Variants in ZPBP observed in about 807,000 individuals in gnomAD.
ZPBP encodes zona pellucida binding protein.
A neutral mutation model predicts 44.8 loss-of-function variants in ZPBP; 26 were observed. The observed-to-expected ratio is 0.58, with a 90% confidence interval of 0.43 to 0.81. The LOEUF is 0.81. Ranked by LOEUF, ZPBP falls within the 30% of genes least tolerant of loss-of-function variation. The probability of loss-of-function intolerance (pLI) is 0.00; values close to 1 mark genes in which losing one functional copy is unlikely to be tolerated. For missense variants in ZPBP, 409 were observed against 434.0 expected (o/e 0.94, Z 0.51); for synonymous variants, 174 against 153.2 (o/e 1.14, Z -1.00).
intron 2 of ZPBP, among the ~76,000 whole-genome samples, chr7:49,862,578 A>C (rs932584567): frequency 6.6e-6 from 1 of 152,046 alleles, no homozygotes; most frequent in African/African-American, 2.4e-5. Flanking sequence ...TTCACCATTG[A>C]GTAAAATGTT....
intron 2 of ZPBP, among the ~76,000 whole-genome samples, chr7:49,857,038 A>G (rs1287203087): frequency 7.2e-6 from 1 of 139,238 alleles, no homozygotes; most frequent in Non-Finnish European, 1.6e-5. Flanking sequence ...AAAAAAAAAA[A>G]AAAGACGTAA....
chr7:49,853,823 T>C (rs1790298281), intron 2 of ZPBP, among the ~76,000 whole-genome samples: 1 of 151,888 alleles, frequency 6.6e-6, no homozygotes, highest in East Asian at 1.9e-4. Flanking sequence ...CATTAACTGG[T>C]CATTTACATT....
intron 4 of ZPBP, among the ~76,000 whole-genome samples, chr7:50,037,750 A>G (rs1799886127): frequency 1.3e-5 from 2 of 152,170 alleles, no homozygotes; most frequent in African/African-American, 4.8e-5. Flanking sequence ...AACAAAGCAT[A>G]TGAATCAAGA....
At chr7:49,873,207 G>A (rs1432023698) in intron 2 of ZPBP, among the ~76,000 whole-genome samples, 3 of 152,154 alleles carry the variant, frequency 2.0e-5, no homozygotes, top group Non-Finnish European at 4.4e-5. Flanking sequence ...TACATGAACT[G>A]GATGAAATGT....
chr7:49,895,463 A>T (rs549974099), intron 2 of ZPBP, among the ~76,000 whole-genome samples: 21 of 152,316 alleles, frequency 1.4e-4, no homozygotes, highest in African/African-American at 4.3e-4. Flanking sequence ...CAACAAAAAA[A>T]CCCTTCACAA....
chr7:50,073,214 T>A (rs1364617114), intron 3 of ZPBP, among the ~76,000 whole-genome samples: 1 of 151,724 alleles, frequency 6.6e-6, no homozygotes, highest in Non-Finnish European at 1.5e-5. Context: ...GAAATTGAAA[T>A]AAAAAGAATC....
At chr7:49,881,082 C>T (rs1392601751) in intron 2 of ZPBP, among the ~76,000 whole-genome samples, 1 of 152,100 alleles carries the variant, frequency 6.6e-6, no homozygotes, top group African/African-American at 2.4e-5. Context: ...CCTATCTTGT[C>T]CTCCATTCCT....
At chr7:50,078,739 G>A (rs1802223772) in intron 3 of ZPBP, among the ~76,000 whole-genome samples, 1 of 151,516 alleles carries the variant, frequency 6.6e-6, no homozygotes, top group South Asian at 2.1e-4. Context: ...AAGGAGCTCT[G>A]CATAGTAAAA....
chr7:49,959,476 A>T (rs1795757258), intron 7 of ZPBP, among the ~76,000 whole-genome samples: 1 of 152,116 alleles, frequency 6.6e-6, no homozygotes. Flanking sequence ...TGGAAAATTA[A>T]ATCAAATAAC....
intron 4 of ZPBP, among the ~76,000 whole-genome samples, chr7:50,044,893 C>A (rs1253676394): frequency 6.6e-6 from 1 of 152,042 alleles, no homozygotes; most frequent in African/African-American, 2.4e-5. Flanking sequence ...TGATGAACAT[C>A]GATGTGAAAA....
chr7:49,900,354 A>G, intron 2 of ZPBP, among the ~76,000 whole-genome samples: 1 of 151,774 alleles, frequency 6.6e-6, no homozygotes, highest in South Asian at 2.1e-4. Context: ...GGAAAACAAT[A>G]GAGAAAGCTG....
At chr7:50,017,708 G>T (rs1366620512) in intron 6 of ZPBP, among the ~76,000 whole-genome samples, 1 of 151,926 alleles carries the variant, frequency 6.6e-6, no homozygotes, top group Non-Finnish European at 1.5e-5. Flanking sequence ...TGTGTTTATG[G>T]TCAGTAAATT....
At chr7:50,020,584 T>C (rs1799046600) in intron 5 of ZPBP, among the ~76,000 whole-genome samples, 1 of 152,070 alleles carries the variant, frequency 6.6e-6, no homozygotes, top group Non-Finnish European at 1.5e-5. Flanking sequence ...CATCCCCTCT[T>C]TATTTAGGCT....
At chr7:50,040,716 C>G (rs756774324) in intron 4 of ZPBP, among the ~76,000 whole-genome samples, 1 of 152,108 alleles carries the variant, frequency 6.6e-6, no homozygotes, top group Admixed American at 6.5e-5. Flanking sequence ...GTTTCAAGCC[C>G]AAAACTTGGC....
At chr7:50,088,755 A>G (rs2128857112) in intron 2 of ZPBP, among the ~76,000 whole-genome samples, 1 of 152,164 alleles carries the variant, frequency 6.6e-6, no homozygotes, top group Non-Finnish European at 1.5e-5. Context: ...AAGATGGATA[A>G]TAACAATGTT....
chr7:50,068,871 G>A (rs1801677506), intron 3 of ZPBP, among the ~76,000 whole-genome samples: 1 of 152,084 alleles, frequency 6.6e-6, no homozygotes, highest in Non-Finnish European at 1.5e-5. Context: ...TTATAAAATT[G>A]GCTGGTGCTT....
chr7:49,913,454 G>A (rs1437435638), intron 1 of ZPBP: 1 of 152,146 alleles, frequency 6.6e-6, no homozygotes, highest in Non-Finnish European at 1.5e-5. Context: ...CTTAATAGGT[G>A]TAGGATAAAA....
At chr7:49,912,196 G>A (rs1267976200) in intron 1 of ZPBP, 4 of 1,613,056 alleles carry the variant, frequency 2.5e-6, no homozygotes, top group Non-Finnish European at 3.4e-6. Flanking sequence ...ACGCTTCCCA[G>A]AACACAAACT....
At chr7:50,050,566 T>C (rs1267343815) in intron 4 of ZPBP, among the ~76,000 whole-genome samples, 2 of 151,480 alleles carry the variant, frequency 1.3e-5, no homozygotes, top group Admixed American at 6.6e-5. Flanking sequence ...ATAAAAGCAA[T>C]AAAAATCAAC....
Sources: allele counts gnomAD v4.1 joint callset (sites outside exome capture counted in the v4.1 genomes callset), GRCh38; gene constraint gnomAD v4.1.1; transcripts MANE v1.5; gene names NCBI Gene and HGNC (gene_info 2026-07-23, HGNC 2026-07-21).